SNTG1: variants seen among roughly 807,000 people sequenced by gnomAD.
SNTG1 encodes gamma-1-syntrophin.
In SNTG1, 39 loss-of-function variants were observed where a neutral mutation model predicts 74.7. That is an observed-to-expected ratio of 0.52 (90% confidence interval 0.40 to 0.68). The LOEUF (loss-of-function observed/expected upper bound fraction) is 0.68, where lower values mean the gene tolerates loss of function less well. Ranked by LOEUF, SNTG1 falls within the 30% of genes least tolerant of loss-of-function variation. SNTG1 has a pLI of 0.00. For synonymous variants in SNTG1, 254 were observed against 217.1 expected (o/e 1.17, Z -1.49); for missense variants, 685 against 609.5 (o/e 1.12, Z -1.30).
At chr8:49,919,109 T>C (rs1253681501) in intron 1 of SNTG1, among the ~76,000 whole-genome samples, 1 of 152,104 alleles carries the variant, frequency 6.6e-6, no homozygotes, top group East Asian at 1.9e-4. Flanking sequence ...TCTGTTTCTG[T>C]CTGTCTCTTT....
intron 4 of SNTG1, among the ~76,000 whole-genome samples, chr8:50,404,301 A>G (rs1057385185): frequency 1.8e-4 from 27 of 152,158 alleles, no homozygotes; most frequent in Non-Finnish European, 7.4e-5. Flanking sequence ...ATGGAGAAAT[A>G]CAACATGATC....
chr8:50,512,832 G>T (rs2094094661), intron 9 of SNTG1, among the ~76,000 whole-genome samples: 1 of 151,996 alleles, frequency 6.6e-6, no homozygotes, highest in African/African-American at 2.4e-5. Context: ...TTTTTTTCAA[G>T]GTTTTTAACT....
At chr8:50,439,796 A>T (rs1297673295) in intron 5 of SNTG1, among the ~76,000 whole-genome samples, 2 of 150,394 alleles carry the variant, frequency 1.3e-5, no homozygotes, top group Non-Finnish European at 3.0e-5. Context: ...GATACTAGAA[A>T]ATCCATGAAT....
chr8:50,295,188 A>G (rs1035178376), intron 2 of SNTG1, among the ~76,000 whole-genome samples: 2 of 152,200 alleles, frequency 1.3e-5, no homozygotes, highest in African/African-American at 4.8e-5. Flanking sequence ...ATTCTTAAGG[A>G]TACGTTTTAA....
intron 17 of SNTG1, among the ~76,000 whole-genome samples, chr8:50,751,525 T>C (rs2095567350): frequency 6.6e-6 from 1 of 152,070 alleles, no homozygotes. Context: ...CTGATGCAGA[T>C]GATGGCTCTA....
chr8:50,042,500 G>T (rs774139556), intron 1 of SNTG1, among the ~76,000 whole-genome samples: 2 of 152,176 alleles, frequency 1.3e-5, no homozygotes, highest in Non-Finnish European at 2.9e-5. Flanking sequence ...ATTTGAGGTT[G>T]CAGTGAACCA....
chr8:50,262,330 A>T (rs148688300), intron 2 of SNTG1, among the ~76,000 whole-genome samples: 87 of 152,350 alleles, frequency 5.7e-4, no homozygotes, highest in South Asian at 1.0e-3. Context: ...AGTAAGCAAT[A>T]ATAATTAAAA....
intron 1 of SNTG1, among the ~76,000 whole-genome samples, chr8:50,151,841 A>G (rs1220051465): frequency 4.6e-5 from 7 of 152,154 alleles, no homozygotes; most frequent in African/African-American, 1.4e-4. Context: ...TATGTTGTCA[A>G]TTTTGGAATA....
chr8:50,308,652 C>T (rs2089991968), intron 2 of SNTG1, among the ~76,000 whole-genome samples: 2 of 152,082 alleles, frequency 1.3e-5, no homozygotes, highest in South Asian at 4.1e-4. Flanking sequence ...GTAGAGCACA[C>T]TACCATTAAT....
rs79360188 is a variant in SNTG1 at position 50,605,116 on chromosome 8, T to A, written c.849+14199T>A. On this transcript the variant is annotated intron_variant, in intron 13 of 18. Coordinates refer to ENST00000642720, the MANE Select transcript of SNTG1 (RefSeq NM_018967.5). ...ATTATGACTGAGCTGATATGCAAGA[T>A]TTAAGACAAAGTCCTGTTTACTCTT... is the stretch of plus-strand genomic sequence containing the variant. Among the ~76,000 whole-genome samples the A allele has an allele frequency of 3.7e-4, 56 of 152,274 alleles. 1 individual carries two copies. In the East Asian group the frequency reaches 0.01, roughly 28 times the overall value.
chr8:50,078,757 C>T (rs1563561057), intron 1 of SNTG1, among the ~76,000 whole-genome samples: 2 of 152,132 alleles, frequency 1.3e-5, no homozygotes, highest in African/African-American at 2.4e-5. Flanking sequence ...ATTCCCTTCC[C>T]TGTGTCCATG....
chr8:50,027,815 T>A (rs181372311), intron 1 of SNTG1, among the ~76,000 whole-genome samples: 1 of 152,292 alleles, frequency 6.6e-6, no homozygotes, highest in East Asian at 1.9e-4. Context: ...ATATAAGAAG[T>A]ACATTGATTT....
chr8:50,226,921 C>A (rs2085357974), intron 2 of SNTG1, among the ~76,000 whole-genome samples: 1 of 152,086 alleles, frequency 6.6e-6, no homozygotes, highest in Non-Finnish European at 1.5e-5. Context: ...TATAACACTT[C>A]ATTTAATTTG....
intron 1 of SNTG1, among the ~76,000 whole-genome samples, chr8:50,152,862 T>G (rs998478869): frequency 6.6e-6 from 1 of 152,204 alleles, no homozygotes; most frequent in Non-Finnish European, 1.5e-5. Flanking sequence ...TCAACTTTGG[T>G]GAATCTGCCA....
chr8:50,650,475 C>T (rs6983093), intron 13 of SNTG1, among the ~76,000 whole-genome samples: 32,173 of 151,898 alleles, frequency 0.21, 3,773 homozygotes, highest in African/African-American at 0.3. Context: ...TGGGACTGAT[C>T]ACCCTTTTAT....
At chr8:50,079,561 A>G (rs919725576) in intron 1 of SNTG1, among the ~76,000 whole-genome samples, 2 of 152,046 alleles carry the variant, frequency 1.3e-5, no homozygotes, top group Non-Finnish European at 2.9e-5. Context: ...GAAGCTCTTT[A>G]GTTTAATTAG....
chr8:50,336,825 A>C (rs1386532211), intron 2 of SNTG1, among the ~76,000 whole-genome samples: 1 of 152,244 alleles, frequency 6.6e-6, no homozygotes, highest in African/African-American at 2.4e-5. Flanking sequence ...GGCACTGAAC[A>C]GTGAAATAAC....
At chr8:50,366,354 TA>T (rs1213658322) in intron 2 of SNTG1, among the ~76,000 whole-genome samples, 1 of 152,156 alleles carries the variant, frequency 6.6e-6, no homozygotes, top group Non-Finnish European at 1.5e-5. Flanking sequence ...GCCTTTTTAC[TA>T]CGCTGTGCAG....
chr8:50,386,222 C>T (rs994451683), intron 2 of SNTG1, among the ~76,000 whole-genome samples: 5 of 152,074 alleles, frequency 3.3e-5, no homozygotes, highest in African/African-American at 1.2e-4. Flanking sequence ...CTTGGCCTTA[C>T]CCTGAGATGG....
Sources: allele counts gnomAD v4.1 joint callset (sites outside exome capture counted in the v4.1 genomes callset), GRCh38; gene constraint gnomAD v4.1.1; transcripts MANE v1.5; gene names NCBI Gene and HGNC (gene_info 2026-07-23, HGNC 2026-07-21).